SHANK2: variants seen among roughly 807,000 people sequenced by gnomAD.
SHANK2 encodes the protein SH3 and multiple ankyrin repeat domains protein 2.
Under a neutral mutation model 133.7 loss-of-function variants are expected in SHANK2, and 43 were observed. The ratio of observed to expected loss-of-function variants is 0.32; its 90% confidence interval spans 0.25 to 0.41. SHANK2 has a LOEUF of 0.41. SHANK2 is among the 10% of genes least tolerant of loss of function. The pLI, the probability that SHANK2 is intolerant of heterozygous loss-of-function variation, is 1.00. For synonymous variants in SHANK2, 1,017 were observed against 952.8 expected (o/e 1.07, Z -1.24); for missense variants, 1,994 against 2,235.8 (o/e 0.89, Z 2.18).
At chr11:70,863,487 G>A (rs1282622908) in intron 11 of SHANK2, 3 of 457,692 alleles carry the variant, frequency 6.6e-6, no homozygotes, top group Non-Finnish European at 1.3e-5. Flanking sequence ...ATTCTGTGGG[G>A]GGTTTTCCTT....
chr11:70,848,098 A>C (rs1949024206), intron 11 of SHANK2, among the ~76,000 whole-genome samples: 1 of 152,230 alleles, frequency 6.6e-6, no homozygotes, highest in African/African-American at 2.4e-5. Context: ...GCTGGGCTTC[A>C]TTTCACAGCC....
At chr11:70,901,489 G>C (rs1950022454) in intron 10 of SHANK2, among the ~76,000 whole-genome samples, 1 of 152,176 alleles carries the variant, frequency 6.6e-6, no homozygotes, top group Non-Finnish European at 1.5e-5. Context: ...GAGGCCTGGA[G>C]GGGAGCCAGT....
At chr11:71,111,862 C>A (rs1282190483) in intron 5 of SHANK2, among the ~76,000 whole-genome samples, 2 of 152,104 alleles carry the variant, frequency 1.3e-5, no homozygotes, top group African/African-American at 4.8e-5. Context: ...AAGCCAAAAC[C>A]CAGAAGCACC....
Position 71,131,071 on chromosome 11 carries a change from G to A in SHANK2, c.208-12039C>T, listed in dbSNP as rs547670889. On this transcript the variant is annotated intron_variant, in intron 3 of 25. Transcript: ENST00000601538. Reference sequence around the variant, plus strand: ...TGGCAGGGGCCACGGAAAGGTGCGCGCAGGCGTCTTCGGGTCTTTGATAGC... The same window carrying A: ...TGGCAGGGGCCACGGAAAGGTGCGCACAGGCGTCTTCGGGTCTTTGATAGC... 5.9e-5 allele frequency among the ~76,000 whole-genome samples: 9 copies of A among 152,396 alleles called. No homozygotes were observed. The East Asian group carries it at 1.3e-3, about 23-fold the overall frequency.
intron 8 of SHANK2, among the ~76,000 whole-genome samples, chr11:71,089,283 A>G (rs1302062633): frequency 1.3e-5 from 2 of 152,140 alleles, no homozygotes; most frequent in Non-Finnish European, 2.9e-5. Flanking sequence ...AGCCAAGCGC[A>G]GCAAGGAGAG....
chr11:70,478,941 A>T (rs2058698717), intron 25 of SHANK2, among the ~76,000 whole-genome samples: 2 of 152,210 alleles, frequency 1.3e-5, no homozygotes, highest in African/African-American at 4.8e-5. Context: ...CGCAGCTAAG[A>T]TCAAGAAGGT....
chr11:70,923,534 G>A (rs936397178), intron 10 of SHANK2, among the ~76,000 whole-genome samples: 5 of 151,376 alleles, frequency 3.3e-5, no homozygotes, highest in Admixed American at 6.6e-5. Context: ...GAGCCACTGC[G>A]CCCAGCTGCT....
chr11:70,657,260 AC>A (rs1166456509), intron 17 of SHANK2, among the ~76,000 whole-genome samples: 2 of 152,036 alleles, frequency 1.3e-5, no homozygotes, highest in Non-Finnish European at 2.9e-5. Flanking sequence ...GAGCTCAGAA[AC>A]CCCACTGACT....
At chr11:71,240,110 G>A (rs895157858) in intron 1 of SHANK2, among the ~76,000 whole-genome samples, 1 of 152,162 alleles carries the variant, frequency 6.6e-6, no homozygotes, top group Admixed American at 6.5e-5. Flanking sequence ...ATTTAACCAG[G>A]CTTGGTCTAC....
chr11:70,657,544 G>C (rs765024471), intron 17 of SHANK2, among the ~76,000 whole-genome samples: 39 of 152,168 alleles, frequency 2.6e-4, no homozygotes, highest in Non-Finnish European at 3.7e-4. Flanking sequence ...GAGGAGCCAG[G>C]ATCGTGCAAG....
Position 70,486,767 on chromosome 11 carries a change from T to C in SHANK2, c.3526A>G (p.Thr1176Ala), listed in dbSNP as rs782202182. 6.2e-7 allele frequency: 1 copy of C among 1,611,366 alleles called. No homozygotes were observed. Among genetic ancestry groups the C allele is most frequent in the Non-Finnish European group, 8.5e-7 (1 of 1,179,932 alleles). ...PGEAGRPLNS[T>A]SKAQGPESSP... ...CTCTCGGGCCCCTGGGCTTTGGACG[T>C]GGAATTCAGCGGCCTCCCAGCCTCA... Residue 1176 changes from threonine to alanine, a missense_variant, in exon 25 of 26, where the codon ACG becomes GCG. Physicochemically the swap from Thr to Ala is moderately conservative, Grantham distance 58 (BLOSUM62 0). Transcript: ENST00000601538. This position sits in a 1 kb window ranked among gnomAD's most constrained non-coding sequence, Gnocchi z 8.0.
intron 14 of SHANK2, among the ~76,000 whole-genome samples, chr11:70,714,969 CT>C (rs559854814): frequency 4.1e-3 from 589 of 142,332 alleles, no homozygotes; most frequent in African/African-American, 4.4e-3. Flanking sequence ...CCACACTTGG[CT>C]TTTTTTTTTT....
At chr11:70,725,429 C>A (rs1297147965) in intron 14 of SHANK2, among the ~76,000 whole-genome samples, 1 of 152,180 alleles carries the variant, frequency 6.6e-6, no homozygotes, top group South Asian at 2.1e-4. Flanking sequence ...TGCCAGGGTG[C>A]GGTGGCCCAG....
intron 9 of SHANK2, among the ~76,000 whole-genome samples, chr11:71,070,549 CAGG>C (rs1233917636): frequency 8.6e-5 from 13 of 151,928 alleles, no homozygotes; most frequent in Admixed American, 8.5e-4. Flanking sequence ...TTCCTGGCTG[CAGG>C]AGAAGCCACT....
chr11:70,868,761 G>T (rs1487950354), intron 11 of SHANK2, among the ~76,000 whole-genome samples: 1 of 152,218 alleles, frequency 6.6e-6, no homozygotes, highest in Non-Finnish European at 1.5e-5. Context: ...GGCACGGAAA[G>T]CCCTGTTTGG....
At chr11:70,581,144 T>A (rs914931598) in intron 17 of SHANK2, among the ~76,000 whole-genome samples, 5 of 152,132 alleles carry the variant, frequency 3.3e-5, no homozygotes, top group Non-Finnish European at 7.3e-5. Flanking sequence ...ACCATGAGGA[T>A]CTCCATCAGG....
chr11:70,946,752 C>T (rs1950746401), intron 10 of SHANK2, among the ~76,000 whole-genome samples: 1 of 149,278 alleles, frequency 6.7e-6, no homozygotes, highest in Non-Finnish European at 1.5e-5. Context: ...ACCTCCCTCT[C>T]CACTAACCAA....
At chr11:70,668,810 C>G (rs1317556931) in intron 15 of SHANK2, 3 of 152,352 alleles carry the variant, frequency 2.0e-5, no homozygotes, top group African/African-American at 7.2e-5. Context: ...AGGCAGCCGG[C>G]CCTGATGTCT....
chr11:71,168,264 G>A (rs1458580909), intron 2 of SHANK2, among the ~76,000 whole-genome samples: 1 of 132,868 alleles, frequency 7.5e-6, no homozygotes, highest in African/African-American at 3.0e-5. Flanking sequence ...TCCCAGATGG[G>A]ATGGCGGCTG....
Sources: allele counts gnomAD v4.1 joint callset (sites outside exome capture counted in the v4.1 genomes callset), GRCh38; gene constraint gnomAD v4.1.1; non-coding constraint Gnocchi (gnomAD v3.1); transcripts MANE v1.5; gene names NCBI Gene and HGNC (gene_info 2026-07-23, HGNC 2026-07-21).